Variants in PDE1C observed in about 807,000 individuals in gnomAD.
The protein encoded by PDE1C is dual specificity calcium/calmodulin-dependent 3',5'-cyclic nucleotide phosphodiesterase 1C.
A neutral mutation model predicts 93.1 loss-of-function variants in PDE1C; 62 were observed. That is an observed-to-expected ratio of 0.67 (90% CI 0.54 to 0.82). The LOEUF is 0.82. PDE1C is among the 40% of genes least tolerant of loss of function. PDE1C has a pLI of 0.00. For synonymous variants in PDE1C, 325 were observed against 310.1 expected (o/e 1.05, Z -0.50); for missense variants, 742 against 884.6 (o/e 0.84, Z 2.04).
intron 1 of PDE1C, among the ~76,000 whole-genome samples, chr7:32,410,426 A>AGAGGAG (rs988025243): frequency 6.6e-6 from 1 of 151,430 alleles, no homozygotes; most frequent in Non-Finnish European, 1.5e-5. Context: ...AAGAAGAGGA[A>AGAGGAG]GAGGAGGAGG....
chr7:31,879,067 G>T lies in PDE1C; in HGVS notation c.354C>A (p.Leu118=). The part of the protein sequence containing the change: ...STFTRQMGMM[L]RRSDEKPRFK... ...ACCGGGGCTTCTCGTCGCTCCTCCT[G>T]AGCATCATCCCCATCTGCCGCGTGA... The change falls in exon 4 of 18, where the codon CTC becomes CTA. Residue 118 remains leucine (L), a synonymous_variant. Coordinates refer to ENST00000396191, the MANE Select transcript of PDE1C (RefSeq NM_001191057.4). 6.2e-7 allele frequency: 1 copy of T among 1,614,136 alleles called. No homozygotes were observed. The highest frequency in any genetic ancestry group is 8.5e-7 in the Non-Finnish European group (1 of 1,180,014).
chr7:31,795,662 A>G lies in PDE1C; in HGVS notation c.1891+13369T>C, dbSNP rs953742026. On this transcript the variant is annotated intron_variant, in intron 16 of 17. Transcript: ENST00000396191. ...CTTTTATTTGACATTTCTACTATGG[A>G]GTTACTTGGTAAGAGACTGGGATCT... Among the ~76,000 whole-genome samples, 10 of 151,838 alleles carry G rather than the reference A, an allele frequency of 6.6e-5. 1 individual carries two copies. The highest frequency in any genetic ancestry group is 5.9e-4 in the Admixed American group (9 of 15,212).
downstream of PDE1C, among the ~76,000 whole-genome samples, chr7:31,750,395 T>TTAAC (rs1390744982): frequency 6.6e-6 from 1 of 152,138 alleles, no homozygotes; most frequent in Non-Finnish European, 1.5e-5. Flanking sequence ...CATGGTGAAA[T>TTAAC]TAACTCCTTT....
intron 2 of PDE1C, among the ~76,000 whole-genome samples, chr7:32,200,928 T>C (rs749350922): frequency 1.8e-4 from 27 of 152,200 alleles, no homozygotes; most frequent in South Asian, 4.1e-4. Context: ...AGAGTCCGAG[T>C]TAGGCAGAAG....
intron 11 of PDE1C, among the ~76,000 whole-genome samples, chr7:31,832,481 C>T (rs1222600836): frequency 2.0e-5 from 3 of 152,146 alleles, no homozygotes; most frequent in Non-Finnish European, 4.4e-5. Flanking sequence ...AGACTATGCC[C>T]TTATTTTAAA....
intron 16 of PDE1C, among the ~76,000 whole-genome samples, chr7:31,781,817 T>G (rs985157041): frequency 6.6e-6 from 1 of 152,000 alleles, no homozygotes; most frequent in South Asian, 2.1e-4. Flanking sequence ...TAGGTTTAGT[T>G]TCGTGTGATT....
At chr7:32,143,801 A>C (rs892601903) in intron 3 of PDE1C, among the ~76,000 whole-genome samples, 1 of 152,164 alleles carries the variant, frequency 6.6e-6, no homozygotes, top group African/African-American at 2.4e-5. Flanking sequence ...AGTTGTGCGA[A>C]GTATTACAGA....
chr7:32,082,178 C>A lies in PDE1C; in HGVS notation c.308+87607G>T, dbSNP rs112230986. ...CCACCCTAATAATGCGCTTTTCCGA[C>A]GGGCTTAAAAAACGGTGCACCAGGA... On this transcript the variant is annotated intron_variant, in intron 3 of 18. Transcript: ENST00000396193. Among the ~76,000 whole-genome samples, 3 of 152,270 alleles carry A rather than the reference C, an allele frequency of 2.0e-5. No homozygotes were observed. The South Asian group carries it at 6.2e-4, about 31-fold the overall frequency.
intron 11 of PDE1C, among the ~76,000 whole-genome samples, chr7:31,834,975 C>T (rs1282641771): frequency 6.6e-6 from 1 of 151,950 alleles, no homozygotes; most frequent in Non-Finnish European, 1.5e-5. Flanking sequence ...ATCCTGGGTG[C>T]GGTTTCCCCC....
rs148067693 is a variant in PDE1C at position 31,889,349 on chromosome 7, T to C, written c.129-8489A>G. 8.4e-4 allele frequency among the ~76,000 whole-genome samples: 128 copies of C among 152,282 alleles called. 1 individual carries two copies. The South Asian group carries it at 0.016, about 19-fold the overall frequency. ...AGGATGTGCATATGTATTTTTATAT[T>C]CATATAAGCACAACATAAGTGGACA... On this transcript the variant is annotated intron_variant, in intron 2 of 17. Transcript: ENST00000396191.
At chr7:31,736,948 C>T in the PDE1C span, among the ~76,000 whole-genome samples, 12 of 151,348 alleles carry the variant, frequency 7.9e-5, no homozygotes, top group African/African-American at 2.9e-4. Flanking sequence ...TTCTTTTTTT[C>T]CCCCTTTAAA....
intron 3 of PDE1C, among the ~76,000 whole-genome samples, chr7:32,138,657 T>G (rs921372879): frequency 1.3e-5 from 2 of 152,148 alleles, no homozygotes; most frequent in African/African-American, 4.8e-5. Context: ...CATTAATGAG[T>G]AATAAAAATT....
At chr7:31,657,238 G>A in the PDE1C span, among the ~76,000 whole-genome samples, 3 of 56,320 alleles carry the variant, frequency 5.3e-5, no homozygotes, top group East Asian at 1.6e-3. Flanking sequence ...AACCATTAAG[G>A]GATTGAGTTG....
chr7:31,872,975 T>C (rs1796123963), intron 6 of PDE1C, among the ~76,000 whole-genome samples: 1 of 152,102 alleles, frequency 6.6e-6, no homozygotes, highest in Non-Finnish European at 1.5e-5. Context: ...GGACACAAAG[T>C]CATGTGGAAA....
chr7:32,326,967 GC>G (rs1783415752), intron 1 of PDE1C, among the ~76,000 whole-genome samples: 1 of 152,128 alleles, frequency 6.6e-6, no homozygotes, highest in African/African-American at 2.4e-5. Context: ...GGAAACTAGT[GC>G]AAAAATCGAT....
At chr7:32,173,844 G>A (rs1562547496) in intron 2 of PDE1C, among the ~76,000 whole-genome samples, 1 of 152,166 alleles carries the variant, frequency 6.6e-6, no homozygotes, top group Admixed American at 6.5e-5. Flanking sequence ...ACACACAAGA[G>A]GGAGTTCCTC....
chr7:32,420,723 A>T (rs1785415063), intron 1 of PDE1C, among the ~76,000 whole-genome samples: 1 of 150,978 alleles, frequency 6.6e-6, no homozygotes, highest in Non-Finnish European at 1.5e-5. Context: ...TGGTTAAAAT[A>T]TTTTTTTTAA....
chr7:32,103,479 G>C (rs1257108793), intron 3 of PDE1C, among the ~76,000 whole-genome samples: 2 of 152,142 alleles, frequency 1.3e-5, no homozygotes, highest in Non-Finnish European at 2.9e-5. Flanking sequence ...TGCCCAGGTA[G>C]CAGACTAAAA....
In PDE1C at chr7:31,776,704, T is replaced by C. The variant is rs574875974; in HGVS notation, c.1892-972A>G. On this transcript the variant is annotated intron_variant, in intron 16 of 17. Coordinates refer to ENST00000396191, the MANE Select transcript of PDE1C (RefSeq NM_001191057.4). ...AAATATTTATTTATTCATTCATTCA[T>C]TTATTTTGTCATCCAGAGTGGGAAG... Among the ~76,000 whole-genome samples, 14 of 152,218 alleles carry C rather than the reference T, an allele frequency of 9.2e-5. 2 individuals carry two copies. In the South Asian group the frequency reaches 1.7e-3, roughly 18 times the overall value.
Sources: allele counts gnomAD v4.1 joint callset (sites outside exome capture counted in the v4.1 genomes callset), GRCh38; gene constraint gnomAD v4.1.1; transcripts MANE v1.5; gene names NCBI Gene and HGNC (gene_info 2026-07-23, HGNC 2026-07-21).